TTC7A: variants seen among roughly 807,000 people sequenced by gnomAD.
The protein encoded by TTC7A is tetratricopeptide repeat domain 7A.
TTC7A carries 110 observed loss-of-function variants against 103.7 expected under a neutral mutation model. The ratio of observed to expected loss-of-function variants is 1.06; its 90% CI spans 0.91 to 1.24. The LOEUF is 1.24. Among genes scored for constraint, TTC7A ranks in the 50% most tolerant of loss-of-function variants. The pLI is 0.00. For synonymous variants in TTC7A, 521 were observed against 467.9 expected (o/e 1.11, Z -1.47); for missense variants, 1,340 against 1,116.3 (o/e 1.20, Z -2.86).
At chr2:47,029,631 G>A (rs886360447) in intron 15 of TTC7A, among the ~76,000 whole-genome samples, 1 of 152,206 alleles carries the variant, frequency 6.6e-6, no homozygotes, top group African/African-American at 2.4e-5. Flanking sequence ...CCCATGAGGT[G>A]GGGTCTGCAT....
chr2:47,036,363 A>G (rs1681107286), intron 15 of TTC7A, among the ~76,000 whole-genome samples: 1 of 152,234 alleles, frequency 6.6e-6, no homozygotes, highest in Non-Finnish European at 1.5e-5. Flanking sequence ...TGAATTCATT[A>G]AGAGGTGGAG....
intron 19 of TTC7A, among the ~76,000 whole-genome samples, chr2:47,069,917 C>A (rs1229952895): frequency 6.6e-6 from 1 of 151,502 alleles, no homozygotes; most frequent in African/African-American, 2.4e-5. Context: ...GCTGGAAAGG[C>A]TGTTACAGAA....
chr2:47,044,433 A>G (rs1682088650), intron 15 of TTC7A, among the ~76,000 whole-genome samples: 1 of 152,164 alleles, frequency 6.6e-6, no homozygotes, highest in African/African-American at 2.4e-5. Context: ...CAGTGGCAAG[A>G]CCAGTTGTCC....
At chr2:46,974,908 T>G in intron 3 of TTC7A, 65 bp from the exon 4 acceptor site, 1 of 1,572,178 alleles carries the variant, frequency 6.4e-7, no homozygotes, top group Non-Finnish European at 8.7e-7. Context: ...CTTCGGCCCA[T>G]GGGGAGGGCC....
At chr2:47,067,701 T>C (rs188375805) in intron 19 of TTC7A, 1 of 152,370 alleles carries the variant, frequency 6.6e-6, no homozygotes, top group Non-Finnish European at 1.5e-5. Flanking sequence ...ACTTCAGTGT[T>C]CTCATCTGTA....
Position 46,994,464 on chromosome 2 carries a change from T to G in TTC7A, c.951T>G (p.Ser317Arg). The G allele has an allele frequency of 1.2e-6, 2 of 1,613,412 alleles. No homozygotes were observed. The highest frequency in any genetic ancestry group is 2.2e-5 in the South Asian group (2 of 91,042). Residue 317 changes from serine to arginine, a missense_variant, in exon 7 of 20, where the codon AGT (serine) becomes AGG (arginine). Transcript: ENST00000319190. ...CTGAGTTCATGGGCAAGGAGGAGAG[T>G]TCTTTCGCCACTCAGGCCCTGCGGA... ...PLPEFMGKEE[S>R]SFATQALRKP... is the part of the protein sequence containing the mutation.
chr2:46,961,908 C>G (rs115745480), intron 3 of TTC7A, among the ~76,000 whole-genome samples: 1,886 of 152,228 alleles, frequency 0.012, 41 homozygotes, highest in African/African-American at 0.043. Flanking sequence ...GACTCCGTCT[C>G]AGAAAAACAA....
chr2:46,923,935 C>T (rs1669245969), intron 2 of TTC7A, among the ~76,000 whole-genome samples: 1 of 152,044 alleles, frequency 6.6e-6, no homozygotes, highest in Non-Finnish European at 1.5e-5. Flanking sequence ...GGAGTTTCAC[C>T]ATGTTGGCCA....
rs977246726 is a variant in TTC7A, at chr2:46,927,514, G to A, written c.82+10237G>A. Among the ~76,000 whole-genome samples the A allele has an allele frequency of 1.3e-4, 20 of 151,796 alleles. No individual in the cohort carries two copies. In the South Asian group the frequency reaches 1.5e-3, roughly 11 times the overall value. ...TGGGACTACAGGCATCCGCCACCAC[G>A]CCCGGCTAATTTTGTTTTTGTGTTT... is the stretch of plus-strand genomic sequence containing the variant. On this transcript the variant is annotated intron_variant, in intron 2 of 20. Coordinates refer to the TTC7A transcript ENST00000409245.
At chr2:47,054,865 C>T (rs1381163376) in intron 18 of TTC7A, among the ~76,000 whole-genome samples, 2 of 151,162 alleles carry the variant, frequency 1.3e-5, no homozygotes, top group Non-Finnish European at 2.9e-5. Flanking sequence ...GGGGATCTAT[C>T]CTGCTAGAAG....
chr2:46,995,553 CA>C, intron 8 of TTC7A, among the ~76,000 whole-genome samples: 1 of 152,266 alleles, frequency 6.6e-6, no homozygotes, highest in Admixed American at 6.5e-5. Context: ...GAGAACATGG[CA>C]GGTAGGGAAT....
chr2:47,031,832 G>A (rs1003986348), intron 15 of TTC7A, among the ~76,000 whole-genome samples: 1 of 152,178 alleles, frequency 6.6e-6, no homozygotes, highest in South Asian at 2.1e-4. Context: ...TCCCTTTTTT[G>A]GAAATCTGGC....
chr2:47,005,893 C>G (rs1208130502), intron 8 of TTC7A, 29 bp from the exon 9 acceptor site: 4 of 1,613,528 alleles, frequency 2.5e-6, no homozygotes, highest in Non-Finnish European at 3.4e-6. Flanking sequence ...ACTCTCCTCA[C>G]TCTTTCCCAA....
chr2:47,004,084 A>C (rs921238394), intron 8 of TTC7A, among the ~76,000 whole-genome samples: 36 of 152,074 alleles, frequency 2.4e-4, no homozygotes, highest in Non-Finnish European at 7.4e-5. Context: ...GGAGCTCCTG[A>C]GTGGCTCCTG....
At chr2:46,945,576 A>T (rs1281587096) in intron 1 of TTC7A, among the ~76,000 whole-genome samples, 1 of 151,934 alleles carries the variant, frequency 6.6e-6, no homozygotes, top group Non-Finnish European at 1.5e-5. Context: ...TTTTTTGTAG[A>T]GATAGGATTT....
intron 2 of TTC7A, chr2:46,917,307 C>T (rs1452486659): frequency 1.5e-6 from 1 of 648,790 alleles, no homozygotes; most frequent in Non-Finnish European, 2.7e-6. Context: ...CAAAGAATCC[C>T]TAAGTTTTGA....
At position 47,063,331 on chromosome 2, in the gene TTC7A, G is replaced by A. The variant is rs568455640; in HGVS notation, c.2355+2360G>A. ...ATATGTGCAGTGCAATCCCAGAGACGGCAAAGCACAGCATGGAGTATCTCA... is the reference window on the plus strand; with the variant it reads ...ATATGTGCAGTGCAATCCCAGAGACAGCAAAGCACAGCATGGAGTATCTCA... On this transcript the variant is annotated intron_variant, in intron 19 of 19. Transcript: ENST00000319190. Among the ~76,000 whole-genome samples, 16 of 152,314 alleles carry A rather than the reference G, an allele frequency of 1.1e-4. No individual in the cohort carries two copies. In the East Asian group the frequency reaches 1.5e-3, roughly 15 times the overall value.
chr2:46,966,658 C>G (rs534142349), intron 3 of TTC7A, among the ~76,000 whole-genome samples: 11 of 148,464 alleles, frequency 7.4e-5, no homozygotes, highest in Admixed American at 5.4e-4. Context: ...TTGTATACAT[C>G]ACTTTTTTTT....
At chr2:46,930,143 G>A (rs1254621404) in intron 2 of TTC7A, among the ~76,000 whole-genome samples, 1 of 152,076 alleles carries the variant, frequency 6.6e-6, no homozygotes, top group African/African-American at 2.4e-5. Context: ...AATACAATAA[G>A]ATAAATGAAA....
Sources: allele counts gnomAD v4.1 joint callset (sites outside exome capture counted in the v4.1 genomes callset), GRCh38; gene constraint gnomAD v4.1.1; transcripts MANE v1.5; gene names NCBI Gene and HGNC (gene_info 2026-07-23, HGNC 2026-07-21).